The following DLGAP2 variants were observed in gnomAD, a reference collection of about 807,000 sequenced individuals.
The protein encoded by DLGAP2 is disks large-associated protein 2.
Under a neutral mutation model 100.3 loss-of-function variants are expected in DLGAP2, and 26 were observed. The ratio of observed to expected loss-of-function variants is 0.26; its 90% CI spans 0.19 to 0.36. The LOEUF is 0.36. Among genes scored for constraint, DLGAP2 ranks in the 10% least tolerant of loss-of-function variants. The pLI is 1.00. For synonymous variants in DLGAP2, 886 were observed against 630.1 expected (o/e 1.41, Z -6.08); for missense variants, 1,858 against 1,453.2 (o/e 1.28, Z -4.53).
At chr8:1,583,328 A>C (rs990767234) in intron 6 of DLGAP2, among the ~76,000 whole-genome samples, 22 of 152,166 alleles carry the variant, frequency 1.4e-4, no homozygotes, top group African/African-American at 5.1e-4. Context: ...AAGAGCTCAG[A>C]AGACGGGCTC....
intron 3 of DLGAP2, among the ~76,000 whole-genome samples, chr8:1,420,922 A>G (rs928329965): frequency 2.0e-5 from 3 of 152,096 alleles, no homozygotes; most frequent in Non-Finnish European, 2.9e-5. Flanking sequence ...TCTTTCTTGC[A>G]TTTTAATCAT....
chr8:782,735 A>G (rs766230730), intron 1 of DLGAP2, among the ~76,000 whole-genome samples: 1 of 152,102 alleles, frequency 6.6e-6, no homozygotes, highest in African/African-American at 2.4e-5. Flanking sequence ...TTTCTTTACA[A>G]CTAGTTAATT....
Position 1,165,045 on chromosome 8 carries a change from T to C in DLGAP2, c.74-93806T>C, listed in dbSNP as rs1250113025. On this transcript the variant is annotated intron_variant, in intron 2 of 14. Transcript: ENST00000637795. ...GTTGGGTGTTGGGAGTCCGGGGTCC[T>C]GGCTAAAGATTCTCCTCCCTCTGGG... 2.0e-5 allele frequency among the ~76,000 whole-genome samples: 3 copies of C among 152,024 alleles called. No homozygotes were observed. In the East Asian group the frequency reaches 5.8e-4, roughly 29 times the overall value.
intron 3 of DLGAP2, among the ~76,000 whole-genome samples, chr8:1,414,689 T>C (rs1356840328): frequency 6.7e-6 from 1 of 150,106 alleles, no homozygotes; most frequent in Non-Finnish European, 1.5e-5. Context: ...GTCTTGCCTT[T>C]ACAAGCATGG....
chr8:1,538,414 C>G (rs550677070), intron 4 of DLGAP2, among the ~76,000 whole-genome samples: 76 of 152,290 alleles, frequency 5.0e-4, no homozygotes, highest in African/African-American at 1.8e-3. Flanking sequence ...TCCCTGAGCA[C>G]CTAAGCAGAA....
chr8:1,221,520 C>T (rs962510340), intron 2 of DLGAP2, among the ~76,000 whole-genome samples: 5 of 152,088 alleles, frequency 3.3e-5, no homozygotes, highest in African/African-American at 1.2e-4. Context: ...TCTCTAGCTG[C>T]ATTTAGCATT....
intron 6 of DLGAP2, among the ~76,000 whole-genome samples, chr8:1,578,367 A>T (rs1803080323): frequency 6.6e-6 from 1 of 152,204 alleles, no homozygotes; most frequent in Non-Finnish European, 1.5e-5. Flanking sequence ...CTTACCCCGG[A>T]AGTTATCGGG....
At chr8:1,082,090 C>T (rs901924267) in intron 2 of DLGAP2, among the ~76,000 whole-genome samples, 1 of 152,148 alleles carries the variant, frequency 6.6e-6, no homozygotes, top group Non-Finnish European at 1.5e-5. Flanking sequence ...GATGTCTGCC[C>T]TACATGTAAT....
chr8:935,251 G>A (rs1799044438), intron 2 of DLGAP2, among the ~76,000 whole-genome samples: 1 of 152,204 alleles, frequency 6.6e-6, no homozygotes, highest in African/African-American at 2.4e-5. Flanking sequence ...TGTGCTCTTT[G>A]CCTTGGACCC....
rs377420407 is a variant in DLGAP2 at position 1,511,344 on chromosome 8, C to T, written c.172+9913C>T. Among the ~76,000 whole-genome samples the T allele has an allele frequency of 9.4e-5, 14 of 149,624 alleles. No individual in the cohort carries two copies. In the South Asian group the frequency reaches 1.1e-3, roughly 12 times the overall value. ...AGGACAATCAGTAGATGACCATCTT[C>T]CATGGACGTAAGGGCTGTCTAGTGT... On this transcript the variant is annotated intron_variant, in intron 4 of 14. Transcript: ENST00000637795.
chr8:1,243,230 A>G (rs1798836289), intron 2 of DLGAP2, among the ~76,000 whole-genome samples: 2 of 152,284 alleles, frequency 1.3e-5, no homozygotes, highest in Admixed American at 1.3e-4. Context: ...GAGAGCCTGC[A>G]GGCCCCTGCC....
intron 6 of DLGAP2, among the ~76,000 whole-genome samples, chr8:1,597,737 A>T (rs140574715): frequency 5.9e-5 from 9 of 152,150 alleles, no homozygotes; most frequent in African/African-American, 2.2e-4. Flanking sequence ...AGACTTTGCT[A>T]AAGTTGCTTA....
At chr8:1,094,109 C>A (rs901048906) in intron 2 of DLGAP2, among the ~76,000 whole-genome samples, 14 of 151,936 alleles carry the variant, frequency 9.2e-5, no homozygotes, top group African/African-American at 3.4e-4. Flanking sequence ...GGATGGAGGG[C>A]AGCTCCGTGG....
chr8:1,184,195 G>A (rs1416025282), intron 2 of DLGAP2, among the ~76,000 whole-genome samples: 2 of 152,184 alleles, frequency 1.3e-5, no homozygotes, highest in African/African-American at 2.4e-5. Flanking sequence ...AAACCATAGA[G>A]AGCAAGCCAT....
At chr8:1,596,490 C>T (rs1584971373) in intron 6 of DLGAP2, among the ~76,000 whole-genome samples, 1 of 152,354 alleles carries the variant, frequency 6.6e-6, no homozygotes, top group East Asian at 1.9e-4. Flanking sequence ...CTCCCACCAA[C>T]AGTGTAAAAG....
intron 4 of DLGAP2, among the ~76,000 whole-genome samples, chr8:1,525,108 C>T (rs1800748260): frequency 6.6e-6 from 1 of 151,264 alleles, no homozygotes; most frequent in Non-Finnish European, 1.5e-5. Context: ...TTTTGTACAG[C>T]TTCTGGATTT....
chr8:1,527,786 G>C (rs969352643), intron 4 of DLGAP2, among the ~76,000 whole-genome samples: 1 of 152,114 alleles, frequency 6.6e-6, no homozygotes, highest in African/African-American at 2.4e-5. Flanking sequence ...GGGGGACACA[G>C]TGCACGCGTT....
rs146373582 is a variant in DLGAP2, at chr8:839,259, G to A, written c.19-68653G>A. ...CACAAATCCAAAGGAATTGCACTCA[G>A]TGTGTTGAGATGTCTGCATTCCTAT... On this transcript the variant is annotated intron_variant, in intron 1 of 14. Coordinates refer to ENST00000637795, the MANE Select transcript of DLGAP2 (RefSeq NM_001346810.2). Among the ~76,000 whole-genome samples, 4 of 152,304 alleles carry A rather than the reference G, an allele frequency of 2.6e-5. No homozygotes were observed. The East Asian group carries it at 7.7e-4, about 29-fold the overall frequency.
intron 3 of DLGAP2, among the ~76,000 whole-genome samples, chr8:1,261,587 T>C (rs1323270388): frequency 2.6e-5 from 2 of 78,408 alleles, no homozygotes; most frequent in Non-Finnish European, 2.7e-5. Flanking sequence ...CAGTGGGGGG[T>C]GGGGCTCCCT....
Sources: allele counts gnomAD v4.1 joint callset (sites outside exome capture counted in the v4.1 genomes callset), GRCh38; gene constraint gnomAD v4.1.1; transcripts MANE v1.5; gene names NCBI Gene and HGNC (gene_info 2026-07-23, HGNC 2026-07-21).